Variants in L3MBTL4 observed in about 807,000 individuals in gnomAD.
L3MBTL4 encodes the protein lethal(3)malignant brain tumor-like protein 4.
A neutral mutation model predicts 84.5 loss-of-function variants in L3MBTL4; 70 were observed. The observed-to-expected ratio is 0.83, with a 90% confidence interval of 0.68 to 1.01. L3MBTL4 has a LOEUF of 1.01. L3MBTL4 is among the 50% of genes least tolerant of loss of function. L3MBTL4 has a pLI of 0.00. For missense variants in L3MBTL4, 715 were observed against 754.8 expected (o/e 0.95, Z 0.62); for synonymous variants, 274 against 259.8 (o/e 1.05, Z -0.52).
chr18:6,017,861 C>G (rs1036613608), intron 16 of L3MBTL4: 2 of 152,146 alleles, frequency 1.3e-5, no homozygotes, highest in Non-Finnish European at 2.9e-5. Flanking sequence ...ATTCTGAGAG[C>G]TGGATTTGGG....
chr18:6,042,426 C>T (rs562143093), intron 16 of L3MBTL4, among the ~76,000 whole-genome samples: 11 of 152,056 alleles, frequency 7.2e-5, no homozygotes, highest in Non-Finnish European at 1.6e-4. Flanking sequence ...CCAGTCCTCA[C>T]CCTCTCTCCC....
intron 14 of L3MBTL4, among the ~76,000 whole-genome samples, chr18:6,096,766 C>T (rs1055102423): frequency 3.9e-5 from 6 of 152,202 alleles, no homozygotes; most frequent in Non-Finnish European, 8.8e-5. Context: ...GACATAGTCT[C>T]TTCAGAAAGT....
chr18:6,032,234 C>T (rs2055846714), intron 16 of L3MBTL4: 2 of 732,224 alleles, frequency 2.7e-6, no homozygotes, highest in South Asian at 5.7e-5. Context: ...GCCTCGGCCT[C>T]CCAAAGTGCT....
intron 12 of L3MBTL4, among the ~76,000 whole-genome samples, chr18:6,177,210 A>G (rs1420587025): frequency 6.6e-6 from 1 of 152,260 alleles, no homozygotes; most frequent in Non-Finnish European, 1.5e-5. Flanking sequence ...AAACCTGAAA[A>G]CAACCCAAAT....
intron 10 of L3MBTL4, among the ~76,000 whole-genome samples, chr18:6,220,935 T>C (rs1312243595): frequency 1.3e-5 from 2 of 152,142 alleles, no homozygotes; most frequent in Non-Finnish European, 2.9e-5. Flanking sequence ...CAATACTGGC[T>C]AATGTTCCAA....
intron 1 of L3MBTL4, among the ~76,000 whole-genome samples, chr18:6,389,713 T>A (rs1446782560): frequency 6.6e-6 from 1 of 152,100 alleles, no homozygotes; most frequent in Non-Finnish European, 1.5e-5. Context: ...AAGAGGGACA[T>A]TATATAATGA....
intron 14 of L3MBTL4, among the ~76,000 whole-genome samples, chr18:6,134,439 A>T (rs1170732653): frequency 4.6e-5 from 7 of 152,210 alleles, no homozygotes. Flanking sequence ...AAAAGTCCAC[A>T]GTCCAAAGTC....
At position 6,218,615 on chromosome 18, in the gene L3MBTL4, C is replaced by T. The variant is rs1047611734; in HGVS notation, c.785-2780G>A. The stretch of plus-strand genomic sequence containing the variant: ...ACAGGTGAAAATTAAAGGCTGTGAC[C>T]GTTTTAAATGGCTCTTAAGCAGCAA... On this transcript the variant is annotated intron_variant, in intron 10 of 18. Transcript: ENST00000317931. Among the ~76,000 whole-genome samples, 3 of 152,116 alleles carry T rather than the reference C, an allele frequency of 2.0e-5. 1 individual carries two copies. Among genetic ancestry groups the T allele is most frequent in the Admixed American group, 2.0e-4 (3 of 15,254 alleles).
chr18:6,131,121 C>T (rs553995482), intron 14 of L3MBTL4, among the ~76,000 whole-genome samples: 1 of 152,312 alleles, frequency 6.6e-6, no homozygotes, highest in African/African-American at 2.4e-5. Context: ...ATGCTGACAA[C>T]TTATATTAAG....
chr18:6,114,167 A>ATTGC (rs2059285325), intron 14 of L3MBTL4, among the ~76,000 whole-genome samples: 2 of 152,332 alleles, frequency 1.3e-5, no homozygotes, highest in South Asian at 4.1e-4. Context: ...AGGGAGCAGC[A>ATTGC]TGCCCATGCT....
At chr18:6,316,043 T>C (rs1184479223) in intron 1 of L3MBTL4, among the ~76,000 whole-genome samples, 1 of 151,454 alleles carries the variant, frequency 6.6e-6, no homozygotes, top group Non-Finnish European at 1.5e-5. Flanking sequence ...TCTCACGGAG[T>C]CCATGCCACT....
At chr18:6,131,656 C>T (rs1202515917) in intron 14 of L3MBTL4, among the ~76,000 whole-genome samples, 1 of 152,154 alleles carries the variant, frequency 6.6e-6, no homozygotes, top group Admixed American at 6.5e-5. Context: ...AATTTTATCT[C>T]TTCCTCACCA....
chr18:5,963,611 G>A (rs553115900), intron 17 of L3MBTL4, among the ~76,000 whole-genome samples: 9 of 152,372 alleles, frequency 5.9e-5, no homozygotes, highest in African/African-American at 1.9e-4. Flanking sequence ...TAAGGAAAAA[G>A]TTCCATGAAC....
intron 15 of L3MBTL4, among the ~76,000 whole-genome samples, chr18:6,090,437 A>G (rs979916130): frequency 1.3e-5 from 2 of 152,032 alleles, no homozygotes; most frequent in African/African-American, 4.8e-5. Context: ...AATAATCAAA[A>G]AATTGGGTTG....
intron 14 of L3MBTL4, among the ~76,000 whole-genome samples, chr18:6,110,803 A>G (rs1286225491): frequency 2.0e-5 from 3 of 152,074 alleles, no homozygotes; most frequent in Non-Finnish European, 4.4e-5. Flanking sequence ...TACAGTTACT[A>G]TTTTGTAGAG....
intron 16 of L3MBTL4, chr18:6,030,505 T>C: frequency 2.3e-6 from 2 of 860,198 alleles, no homozygotes; most frequent in Non-Finnish European, 2.7e-6. Context: ...GAGACTCTTT[T>C]TTTTTTTTTT....
intron 12 of L3MBTL4, among the ~76,000 whole-genome samples, chr18:6,197,304 C>T (rs7226542): frequency 3.9e-5 from 6 of 152,028 alleles, no homozygotes; most frequent in African/African-American, 7.3e-5. Flanking sequence ...TGTTGTTCCC[C>T]TCCCTGTGTC....
chr18:6,092,678 T>A (rs1290910514), intron 15 of L3MBTL4, among the ~76,000 whole-genome samples: 1 of 152,244 alleles, frequency 6.6e-6, no homozygotes, highest in Non-Finnish European at 1.5e-5. Context: ...GTATTTATAA[T>A]TCCCAGCATG....
At chr18:6,069,537 G>A (rs925293562) in intron 16 of L3MBTL4, among the ~76,000 whole-genome samples, 1 of 152,122 alleles carries the variant, frequency 6.6e-6, no homozygotes, top group Non-Finnish European at 1.5e-5. Flanking sequence ...ACCAAGTGAG[G>A]GCAGGGTTAG....
Sources: allele counts gnomAD v4.1 joint callset (sites outside exome capture counted in the v4.1 genomes callset), GRCh38; gene constraint gnomAD v4.1.1; transcripts MANE v1.5; gene names NCBI Gene and HGNC (gene_info 2026-07-23, HGNC 2026-07-21).